DUSP22: variants seen among roughly 807,000 people sequenced by gnomAD.
DUSP22 encodes the protein dual specificity phosphatase 22, also known as dual specificity protein phosphatase 22.
DUSP22 carries 24 observed loss-of-function variants against 24.5 expected under a neutral mutation model. That is an observed-to-expected ratio of 0.98 (90% CI 0.71 to 1.38). DUSP22 has a LOEUF of 1.38. DUSP22 is among the 40% of genes most tolerant of loss of function. The probability of loss-of-function intolerance (pLI) is 0.00; values close to 1 mark genes in which losing one functional copy is unlikely to be tolerated. For synonymous variants in DUSP22, 160 were observed against 106.4 expected, an observed-to-expected ratio of 1.50 and a Z score of -3.10; for missense variants, 330 against 269.2, an observed-to-expected ratio of 1.23 and a Z score of -1.58.
At chr6:333,162 C>T in intron 3 of DUSP22, among the ~76,000 whole-genome samples, 1 of 152,300 alleles carries the variant, frequency 6.6e-6, no homozygotes, top group East Asian at 1.9e-4. Context: ...GAGCACAGCC[C>T]ACAAGCCCAG....
At chr6:332,381 T>TCA (rs1424257008) in intron 3 of DUSP22, among the ~76,000 whole-genome samples, 4 of 152,418 alleles carry the variant, frequency 2.6e-5, no homozygotes, top group Admixed American at 6.5e-5. Context: ...AAGAGCTGCC[T>TCA]CCTCATCCTG....
chr6:339,350 A>G (rs988063796), intron 4 of DUSP22, among the ~76,000 whole-genome samples: 3 of 152,426 alleles, frequency 2.0e-5, no homozygotes, highest in Admixed American at 6.5e-5. Flanking sequence ...GTGAGATGAT[A>G]TAAGTGAAAG....
At chr6:309,473 G>C (rs898617444) in intron 2 of DUSP22, among the ~76,000 whole-genome samples, 1 of 152,304 alleles carries the variant, frequency 6.6e-6, no homozygotes, top group African/African-American at 2.4e-5. Context: ...AGAGGTTGGA[G>C]CAATGAAAAG....
At position 350,765 on chromosome 6, in the gene DUSP22, T is replaced by A; in HGVS notation, c.*1814T>A. The A allele has an allele frequency of 6.2e-7, 1 of 1,614,090 alleles. No individual in the cohort carries two copies. The highest frequency in any genetic ancestry group is 8.5e-7 in the Non-Finnish European group (1 of 1,179,956). On this transcript the variant is annotated 3_prime_UTR_variant, in exon 7 of 7. Coordinates refer to ENST00000419235, the MANE Select transcript of DUSP22 (RefSeq NM_001286555.3). The stretch of plus-strand genomic sequence containing the variant: ...CTTTACAAACCTCTCAGTGTATTCT[T>A]GGAGTTCTTGAAATGTTGTTTTAAT...
intron 2 of DUSP22, 86 bp downstream of exon 2, chr6:304,747 T>A: frequency 6.4e-7 from 1 of 1,568,366 alleles, no homozygotes; most frequent in Non-Finnish European, 8.8e-7. Context: ...TATAGGTCAG[T>A]GGCTTTAAGT....
chr6:331,330 T>G (rs1323191239), intron 3 of DUSP22, among the ~76,000 whole-genome samples: 1 of 152,310 alleles, frequency 6.6e-6, no homozygotes, highest in Non-Finnish European at 1.5e-5. Context: ...AGAGGTAGTA[T>G]GAGGGAGTGA....
chr6:315,895 C>T (rs1303222550), intron 3 of DUSP22, among the ~76,000 whole-genome samples: 1 of 152,306 alleles, frequency 6.6e-6, no homozygotes, highest in African/African-American at 2.4e-5. Context: ...GTTGTAGCTG[C>T]TTTATAAATA....
At chr6:339,962 C>T (rs1224166191) in intron 4 of DUSP22, among the ~76,000 whole-genome samples, 2 of 152,306 alleles carry the variant, frequency 1.3e-5, no homozygotes, top group African/African-American at 4.8e-5. Flanking sequence ...TGATGTTCTC[C>T]TGCTCAAGGA....
At position 351,032 on chromosome 6, in the gene DUSP22, A is replaced by G. The variant is rs1399586873; in HGVS notation, c.*2081A>G. 1 of 1,058,096 alleles carries G rather than the reference A, an allele frequency of 9.5e-7. No individual in the cohort carries two copies. The highest frequency in any genetic ancestry group is 2.5e-5 in the Admixed American group (1 of 39,492). 65.5% of individuals were successfully genotyped at this position (1,058,096 alleles called of 1,614,324 possible). On this transcript the variant is annotated 3_prime_UTR_variant, in exon 7 of 7. Transcript: ENST00000419235. ...CATGTTTATGTTGAGAACTAAGGAT[A>G]TTCTTTAGCAAGAGAAAATATTTTC...
chr6:345,407 AC>A (rs542509111), intron 4 of DUSP22, among the ~76,000 whole-genome samples: 297 of 152,262 alleles, frequency 2.0e-3, no homozygotes, highest in African/African-American at 6.5e-3. Context: ...ACAGGGTTTC[AC>A]CATGTTGGCC....
At chr6:313,379 A>G (rs1231373925) in intron 3 of DUSP22, among the ~76,000 whole-genome samples, 1 of 152,306 alleles carries the variant, frequency 6.6e-6, no homozygotes, top group Non-Finnish European at 1.5e-5. Flanking sequence ...AGGGTTAGAA[A>G]TCAAAGAGCT....
intron 1 of DUSP22, among the ~76,000 whole-genome samples, chr6:295,180 C>G (rs1343813295): frequency 2.0e-5 from 3 of 152,294 alleles, no homozygotes; most frequent in Non-Finnish European, 4.4e-5. Context: ...GTCTTTGGAA[C>G]TAACATAACT....
chr6:304,481 TG>T (rs1757730599), intron 1 of DUSP22, 146 bp from the exon 2 acceptor site: 1 of 1,225,292 alleles, frequency 8.2e-7, no homozygotes, highest in South Asian at 1.2e-5. Flanking sequence ...CTGGGGATGT[TG>T]GGTCACCCGC....
At chr6:313,789 A>T (rs1758216327) in intron 3 of DUSP22, among the ~76,000 whole-genome samples, 1 of 152,308 alleles carries the variant, frequency 6.6e-6, no homozygotes, top group Non-Finnish European at 1.5e-5. Context: ...TTTCACAAGT[A>T]ATTCATGATA....
At chr6:308,619 C>G (rs899619811) in intron 2 of DUSP22, among the ~76,000 whole-genome samples, 2 of 152,286 alleles carry the variant, frequency 1.3e-5, no homozygotes, top group Non-Finnish European at 2.9e-5. Flanking sequence ...GAAATGTATG[C>G]TTTTTTCCCC....
chr6:320,962 T>G (rs1030536296), intron 3 of DUSP22, among the ~76,000 whole-genome samples: 3 of 152,306 alleles, frequency 2.0e-5, no homozygotes, highest in East Asian at 1.9e-4. Context: ...TGTCCCAACA[T>G]TAAGGATTGA....
At chr6:320,758 AGGTC>A (rs1758548865) in intron 3 of DUSP22, among the ~76,000 whole-genome samples, 1 of 152,294 alleles carries the variant, frequency 6.6e-6, no homozygotes, top group South Asian at 2.1e-4. Context: ...GCTTCAGGGC[AGGTC>A]AGGGAGGGGG....
chr6:349,113 GGCCCCTGCACTCC>G lies in DUSP22; in HGVS notation c.*167_*179del. On this transcript the variant is annotated 3_prime_UTR_variant, in exon 7 of 7. Coordinates refer to ENST00000419235, the MANE Select transcript of DUSP22 (RefSeq NM_001286555.3). ...AGCAACACCGCCCAGCCCTGCTCCA[GGCCCCTGCACTCC>G]GCCCACCCCTACCCTGGCTGCACCT... is the stretch of plus-strand genomic sequence containing the variant. 6.9e-7 allele frequency: 1 copy of G among 1,447,976 alleles called. No homozygotes were observed. Among genetic ancestry groups the G allele is most frequent in the Non-Finnish European group, 9.0e-7 (1 of 1,107,102 alleles). 89.7% of individuals were successfully genotyped at this position (1,447,976 alleles called of 1,614,324 possible).
chr6:304,705 A>G (rs760156834), intron 2 of DUSP22, 44 bp downstream of exon 2: 19 of 1,611,612 alleles, frequency 1.2e-5, no homozygotes, highest in Non-Finnish European at 1.4e-5. Context: ...TACACATAAC[A>G]TAAAATGTGT....
Sources: gnomAD v4.1 joint callset for allele counts (sites outside exome capture counted in the v4.1 genomes callset) on GRCh38, gnomAD v4.1.1 for gene constraint, MANE v1.5 for transcripts, NCBI Gene and HGNC (gene_info 2026-07-23, HGNC 2026-07-21) for gene names.